PACRG: variants seen among roughly 807,000 people sequenced by gnomAD.
The protein encoded by PACRG is parkin coregulated.
Under a neutral mutation model 29.7 loss-of-function variants are expected in PACRG, and 29 were observed. That is an observed-to-expected ratio of 0.98 (90% CI 0.73 to 1.33). PACRG has a LOEUF of 1.33. Among genes scored for constraint, PACRG ranks in the 40% most tolerant of loss-of-function variants. The pLI is 0.00. For missense variants in PACRG, 279 were observed against 316.2 expected, an observed-to-expected ratio of 0.88 and a Z score of 0.89; for synonymous variants, 116 against 118.7, an observed-to-expected ratio of 0.98 and a Z score of 0.15.
At chr6:163,277,863 T>C (rs1313737904) in intron 4 of PACRG, among the ~76,000 whole-genome samples, 1 of 152,106 alleles carries the variant, frequency 6.6e-6, no homozygotes, top group Non-Finnish European at 1.5e-5. Context: ...ATAGTGGGAT[T>C]TCTGGATCAA....
intron 2 of PACRG, among the ~76,000 whole-genome samples, chr6:162,996,318 G>T (rs553449478): frequency 6.6e-6 from 1 of 151,998 alleles, no homozygotes; most frequent in African/African-American, 2.4e-5. Flanking sequence ...TATTTAAAAA[G>T]GGGTCATTAC....
At chr6:162,976,447 G>C (rs536898575) in intron 2 of PACRG, among the ~76,000 whole-genome samples, 10 of 152,256 alleles carry the variant, frequency 6.6e-5, no homozygotes, top group Admixed American at 1.3e-4. Flanking sequence ...TGGAGTTGAG[G>C]GGGGAAGAAA....
chr6:163,243,449 T>C (rs1267195008), intron 4 of PACRG, among the ~76,000 whole-genome samples: 2 of 152,234 alleles, frequency 1.3e-5, no homozygotes, highest in Non-Finnish European at 2.9e-5. Flanking sequence ...CTTGGGGTTT[T>C]CATTAAGGAC....
At chr6:162,783,769 G>T (rs891189271) in intron 1 of PACRG, among the ~76,000 whole-genome samples, 1 of 151,970 alleles carries the variant, frequency 6.6e-6, no homozygotes, top group Non-Finnish European at 1.5e-5. Flanking sequence ...GAGACCTATT[G>T]TTAAACTTCC....
At chr6:163,255,701 A>G (rs1165827829) in intron 4 of PACRG, among the ~76,000 whole-genome samples, 1 of 152,068 alleles carries the variant, frequency 6.6e-6, no homozygotes, top group African/African-American at 2.4e-5. Flanking sequence ...CAATGGCATG[A>G]TCTCAGCTCA....
chr6:163,297,837 T>C (rs12055671), intron 4 of PACRG, among the ~76,000 whole-genome samples: 66,535 of 151,894 alleles, frequency 0.44, 14,733 homozygotes, highest in Middle Eastern at 0.5. Flanking sequence ...TGTGCAGTCA[T>C]AAGGATGTAA....
intron 4 of PACRG, among the ~76,000 whole-genome samples, chr6:163,239,841 TAC>T (rs3064934): frequency 1.7e-4 from 21 of 124,600 alleles, no homozygotes; most frequent in Non-Finnish European, 6.5e-5. Flanking sequence ...CACACTCACA[TAC>T]ACACACACTC....
At chr6:163,053,218 T>C (rs997430640) in intron 2 of PACRG, among the ~76,000 whole-genome samples, 31 of 152,164 alleles carry the variant, frequency 2.0e-4, no homozygotes, top group African/African-American at 7.2e-4. Context: ...TGACTATTTG[T>C]GAATCTAAAT....
At chr6:162,878,447 T>C (rs1475800255) in intron 2 of PACRG, among the ~76,000 whole-genome samples, 1 of 152,202 alleles carries the variant, frequency 6.6e-6, no homozygotes, top group African/African-American at 2.4e-5. Flanking sequence ...TATTTTACTT[T>C]TTTAGAGTGT....
intron 4 of PACRG, among the ~76,000 whole-genome samples, chr6:163,112,566 C>G (rs1213311418): frequency 2.0e-5 from 3 of 151,928 alleles, no homozygotes. Context: ...TTTCTCCTTC[C>G]CCCTCATTTT....
intron 4 of PACRG, among the ~76,000 whole-genome samples, chr6:163,261,285 T>C (rs1312860436): frequency 6.6e-6 from 1 of 152,148 alleles, no homozygotes; most frequent in Non-Finnish European, 1.5e-5. Context: ...GGGATACATG[T>C]GCAGACAGTG....
At chr6:163,070,703 C>T (rs901078036) in intron 3 of PACRG, among the ~76,000 whole-genome samples, 2 of 150,804 alleles carry the variant, frequency 1.3e-5, no homozygotes, top group Admixed American at 6.6e-5. Flanking sequence ...GAGTCTTTAT[C>T]AATAATAACA....
chr6:163,056,309 T>A (rs1176427757), intron 2 of PACRG, among the ~76,000 whole-genome samples: 2 of 152,226 alleles, frequency 1.3e-5, no homozygotes, highest in Non-Finnish European at 2.9e-5. Context: ...GCAGCATTAT[T>A]CACAATAACC....
intron 2 of PACRG, among the ~76,000 whole-genome samples, chr6:162,860,277 C>G (rs1318551607): frequency 6.6e-6 from 1 of 152,106 alleles, no homozygotes; most frequent in Non-Finnish European, 1.5e-5. Context: ...CATTTCATGT[C>G]TCTAAAATGG....
intron 4 of PACRG, among the ~76,000 whole-genome samples, chr6:163,120,041 C>G (rs139699269): frequency 6.6e-6 from 1 of 151,940 alleles, no homozygotes; most frequent in Non-Finnish European, 1.5e-5. Flanking sequence ...ATTCATAGCA[C>G]GAGAAAAATA....
At chr6:162,819,437 C>T (rs905189551) in intron 2 of PACRG, among the ~76,000 whole-genome samples, 1 of 151,990 alleles carries the variant, frequency 6.6e-6, no homozygotes, top group Non-Finnish European at 1.5e-5. Flanking sequence ...TATTTATACC[C>T]CACATTATTT....
chr6:163,262,761 G>A (rs1226304543), intron 4 of PACRG, among the ~76,000 whole-genome samples: 1 of 151,762 alleles, frequency 6.6e-6, no homozygotes, highest in Non-Finnish European at 1.5e-5. Context: ...ACAAATTTAG[G>A]CCAGGTGCAG....
At chr6:163,299,850 G>A (rs1217726026) in intron 4 of PACRG, among the ~76,000 whole-genome samples, 1 of 152,222 alleles carries the variant, frequency 6.6e-6, no homozygotes, top group Admixed American at 6.5e-5. Flanking sequence ...CTACACTCCA[G>A]CCTGGGCAAC....
intron 1 of PACRG, among the ~76,000 whole-genome samples, chr6:162,763,399 T>A (rs1782533490): frequency 6.6e-6 from 1 of 152,176 alleles, no homozygotes; most frequent in African/African-American, 2.4e-5. Context: ...AATTTACAGT[T>A]GAAGAAGCAC....
Sources: gnomAD v4.1 joint callset for allele counts (sites outside exome capture counted in the v4.1 genomes callset) on GRCh38, gnomAD v4.1.1 for gene constraint, MANE v1.5 for transcripts, NCBI Gene and HGNC (gene_info 2026-07-23, HGNC 2026-07-21) for gene names.